Variants in IQCM observed in about 807,000 individuals in gnomAD.
The protein encoded by IQCM is IQ domain-containing protein M.
A neutral mutation model predicts 57.6 loss-of-function variants in IQCM; 45 were observed. The ratio of observed to expected loss-of-function variants is 0.78; its 90% confidence interval spans 0.62 to 1.00. The LOEUF (loss-of-function observed/expected upper bound fraction) is 1.00. Ranked by LOEUF, IQCM falls within the 50% of genes least tolerant of loss-of-function variation. The pLI is 0.00. For synonymous variants in IQCM, 148 were observed against 158.9 expected (o/e 0.93, Z 0.51); for missense variants, 468 against 511.6 (o/e 0.91, Z 0.82).
At chr4:149,598,455 G>C (rs1336000130) in intron 8 of IQCM, among the ~76,000 whole-genome samples, 1 of 151,906 alleles carries the variant, frequency 6.6e-6, no homozygotes, top group African/African-American at 2.4e-5. Context: ...AGCACAAGAG[G>C]ATACTTCAAA....
intron 8 of IQCM, among the ~76,000 whole-genome samples, chr4:149,609,246 T>G (rs991407841): frequency 6.6e-6 from 1 of 151,702 alleles, no homozygotes; most frequent in African/African-American, 2.4e-5. Flanking sequence ...AGCAGTAATT[T>G]AAAAATCTCC....
At chr4:149,798,363 C>A (rs1289331383) in intron 2 of IQCM, among the ~76,000 whole-genome samples, 4 of 151,852 alleles carry the variant, frequency 2.6e-5, no homozygotes, top group African/African-American at 4.8e-5. Context: ...AAATATAAAG[C>A]AAGAAACTAA....
chr4:149,489,141 T>C (rs1283365486), intron 12 of IQCM, among the ~76,000 whole-genome samples: 1 of 152,036 alleles, frequency 6.6e-6, no homozygotes, highest in Non-Finnish European at 1.5e-5. Flanking sequence ...CATAGTAACA[T>C]AATTCAACAA....
chr4:149,441,012 T>C (rs1443867218), intron 12 of IQCM, among the ~76,000 whole-genome samples: 1 of 152,184 alleles, frequency 6.6e-6, no homozygotes, highest in African/African-American at 2.4e-5. Context: ...GATTTATTTA[T>C]ATGCATTAAT....
At chr4:149,755,204 T>C (rs993742479) in intron 2 of IQCM, among the ~76,000 whole-genome samples, 1 of 152,178 alleles carries the variant, frequency 6.6e-6, no homozygotes, top group Non-Finnish European at 1.5e-5. Flanking sequence ...TTCCTGCCCC[T>C]ATCCATGACC....
chr4:149,813,770 C>T (rs1580363349), intron 2 of IQCM, among the ~76,000 whole-genome samples: 2 of 152,042 alleles, frequency 1.3e-5, no homozygotes, highest in East Asian at 3.9e-4. Flanking sequence ...TTAAAGAATT[C>T]ATTTATTGGC....
At chr4:149,388,955 G>A (rs916632162) in intron 13 of IQCM, among the ~76,000 whole-genome samples, 5 of 151,092 alleles carry the variant, frequency 3.3e-5, no homozygotes, top group African/African-American at 7.3e-5. Flanking sequence ...TTCTTGATGG[G>A]TGCCCTGTGA....
intron 7 of IQCM, among the ~76,000 whole-genome samples, chr4:149,659,378 T>A (rs1164722868): frequency 6.6e-6 from 1 of 152,074 alleles, no homozygotes; most frequent in East Asian, 1.9e-4. Context: ...GTAGGAAGAA[T>A]CAATATCATG....
chr4:149,383,172 G>A (rs1322040420), intron 13 of IQCM, among the ~76,000 whole-genome samples: 1 of 152,210 alleles, frequency 6.6e-6, no homozygotes, highest in Non-Finnish European at 1.5e-5. Flanking sequence ...AGATTTTGAT[G>A]TCTGGTTAGA....
intron 13 of IQCM, among the ~76,000 whole-genome samples, chr4:149,411,072 T>C (rs954082322): frequency 2.0e-5 from 3 of 152,120 alleles, no homozygotes; most frequent in African/African-American, 4.8e-5. Context: ...TTTCTAACAA[T>C]GGTCTTTTCA....
Position 149,397,473 on chromosome 4 carries a change from T to C in IQCM, c.1390+35923A>G, listed in dbSNP as rs1000888029. ...TGCTGTGCTCATAATATGAGTGAGA[T>C]CTCATGAGATCTGATAGTTCAAAAG... On this transcript the variant is annotated intron_variant, in intron 13 of 13. Transcript: ENST00000636793. 1.1e-4 allele frequency among the ~76,000 whole-genome samples: 16 copies of C among 151,952 alleles called. No individual in the cohort carries two copies. The East Asian group carries it at 2.7e-3, about 26-fold the overall frequency.
At chr4:149,353,405 C>G (rs537614233) in intron 13 of IQCM, among the ~76,000 whole-genome samples, 50 of 152,190 alleles carry the variant, frequency 3.3e-4, no homozygotes, top group African/African-American at 1.2e-3. Flanking sequence ...ATAGAACTAC[C>G]CTAAGATCCA....
At chr4:149,801,149 T>C (rs1485730172) in intron 2 of IQCM, among the ~76,000 whole-genome samples, 2 of 151,778 alleles carry the variant, frequency 1.3e-5, no homozygotes, top group South Asian at 2.1e-4. Flanking sequence ...CTTAACATCA[T>C]GGATCATCAG....
chr4:149,814,462 TA>T (rs982386738), intron 2 of IQCM, among the ~76,000 whole-genome samples: 1 of 152,006 alleles, frequency 6.6e-6, no homozygotes, highest in Non-Finnish European at 1.5e-5. Flanking sequence ...TTTATCAAGC[TA>T]ATTATCTTAA....
At chr4:149,466,798 G>T (rs1266140729) in intron 12 of IQCM, among the ~76,000 whole-genome samples, 3 of 152,114 alleles carry the variant, frequency 2.0e-5, no homozygotes, top group African/African-American at 4.8e-5. Flanking sequence ...AGAATTTATT[G>T]TTCTGGAAGC....
At chr4:149,359,056 C>T (rs1729285965) in intron 13 of IQCM, among the ~76,000 whole-genome samples, 1 of 151,946 alleles carries the variant, frequency 6.6e-6, no homozygotes. Flanking sequence ...TTTCCATAAG[C>T]TGGGTAGAGA....
At chr4:149,528,972 A>G (rs529674397) in intron 12 of IQCM, among the ~76,000 whole-genome samples, 1 of 152,302 alleles carries the variant, frequency 6.6e-6, no homozygotes, top group East Asian at 1.9e-4. Flanking sequence ...TAAGTGAAAA[A>G]GTAGCAATAA....
At chr4:149,546,757 C>T (rs1377528704) in intron 12 of IQCM, among the ~76,000 whole-genome samples, 3 of 151,918 alleles carry the variant, frequency 2.0e-5, no homozygotes, top group Non-Finnish European at 4.4e-5. Context: ...AAATTTTCTC[C>T]CATTCTGTAG....
At chr4:149,472,620 A>G (rs1329565743) in intron 12 of IQCM, among the ~76,000 whole-genome samples, 1 of 152,174 alleles carries the variant, frequency 6.6e-6, no homozygotes, top group Non-Finnish European at 1.5e-5. Flanking sequence ...GGAAAAAACT[A>G]CTTTAAAGTT....
Sources: gnomAD v4.1 joint callset for allele counts (sites outside exome capture counted in the v4.1 genomes callset) on GRCh38, gnomAD v4.1.1 for gene constraint, MANE v1.5 for transcripts, NCBI Gene and HGNC (gene_info 2026-07-23, HGNC 2026-07-21) for gene names.